The following USP35 variants were observed in gnomAD, a reference collection of about 807,000 sequenced individuals.
USP35 encodes the protein ubiquitin carboxyl-terminal hydrolase 35.
Under a neutral mutation model 83.8 loss-of-function variants are expected in USP35, and 69 were observed. The observed-to-expected ratio is 0.82, with a 90% confidence interval of 0.68 to 1.01. USP35 has a LOEUF of 1.01. USP35 is among the 50% of genes least tolerant of loss of function. The pLI is 0.00. For missense variants in USP35, 1,503 were observed against 1,362.5 expected (o/e 1.10, Z -1.62); for synonymous variants, 714 against 589.5 (o/e 1.21, Z -3.06).
chr11:78,209,685 C>G lies in USP35; in HGVS notation c.1830C>G (p.Arg610=). The G allele has an allele frequency of 6.2e-7, 1 of 1,613,950 alleles. No individual in the cohort carries two copies. Among genetic ancestry groups the G allele is most frequent in the Non-Finnish European group, 8.5e-7 (1 of 1,179,894 alleles). ...CTCCTGAGCGCTGTCGCCGCCGCCG[C>G]CTGGGCTCTGTGATGCGCCCCACAG... ...FPPPERCRRR[R]LGSVMRPTED... Residue 610 remains arginine, a synonymous_variant, in exon 10 of 11, where the codon CGC becomes CGG. Coordinates refer to ENST00000529308, the MANE Select transcript of USP35 (RefSeq NM_020798.4).
chr11:78,222,059 C>T, the USP35 span: 3 of 1,273,590 alleles, frequency 2.4e-6, no homozygotes, highest in Non-Finnish European at 3.5e-6. Context: ...CTCATTTTCC[C>T]TAATGGCCCG....
At position 78,200,668 on chromosome 11, in the gene USP35, C is replaced by G; in HGVS notation, c.1057C>G (p.Pro353Ala). 1 of 1,612,378 alleles carries G rather than the reference C, an allele frequency of 6.2e-7. No homozygotes were observed. The highest frequency in any genetic ancestry group is 1.3e-5 in the African/African-American group (1 of 74,996). Residue 353 changes from proline to alanine, a missense_variant, in exon 6 of 11, where the codon CCC becomes GCC. By Grantham distance (27) the Pro-to-Ala change is conservative. Coordinates refer to ENST00000529308, the MANE Select transcript of USP35 (RefSeq NM_020798.4). Reference protein sequence around the residue: ...AFHLLLPHIPPMVASLVKEDS... With the variant: ...AFHLLLPHIPAMVASLVKEDS... ...CCCACAGCTCCTCCCTCACATCCCC[C>G]CCATGGTGGCCTCTCTGGTCAAGGA...
At chr11:78,235,481 T>A in the USP35 span, among the ~76,000 whole-genome samples, 1 of 152,298 alleles carries the variant, frequency 6.6e-6, no homozygotes. Context: ...CATCGTCAGG[T>A]GGCAAATTTT....
chr11:78,212,668 T>C (rs370333889), intron 10 of USP35, among the ~76,000 whole-genome samples: 14 of 152,288 alleles, frequency 9.2e-5, no homozygotes, highest in South Asian at 6.2e-4. Flanking sequence ...GAATGGGAGT[T>C]TGTTCATGAT....
chr11:78,219,288 T>C (rs1864299321), downstream of USP35: 12 of 1,613,502 alleles, frequency 7.4e-6, no homozygotes, highest in East Asian at 1.1e-4. Context: ...CTTGGCACCC[T>C]TGGAAGGCTC....
At chr11:78,230,041 T>C in the USP35 span, among the ~76,000 whole-genome samples, 1 of 152,242 alleles carries the variant, frequency 6.6e-6, no homozygotes, top group Non-Finnish European at 1.5e-5. Context: ...GCCAACAGAC[T>C]GTGATTTCCT....
At chr11:78,206,609 A>C (rs559711714) in intron 7 of USP35, among the ~76,000 whole-genome samples, 1 of 152,358 alleles carries the variant, frequency 6.6e-6, no homozygotes, top group East Asian at 1.9e-4. Flanking sequence ...CGTTCTTCTC[A>C]AAACGCCTAG....
At chr11:78,197,684 C>T (rs1863194771) in intron 2 of USP35, among the ~76,000 whole-genome samples, 1 of 152,058 alleles carries the variant, frequency 6.6e-6, no homozygotes, top group Non-Finnish European at 1.5e-5. Context: ...AAAGGCCTTG[C>T]CCTGAAACCC....
rs535697834 is a variant in USP35, at chr11:78,214,239, TG to T, written c.*434del. 27 of 81,348 alleles carry T rather than the reference TG, an allele frequency of 3.3e-4. No homozygotes were observed. Among genetic ancestry groups the T allele is most frequent in the East Asian group, 2.6e-3 (4 of 1,516 alleles). The allele number at this position is 81,348 out of a possible 1,614,324, so 5.0% of individuals were successfully genotyped here. A position where few individuals can be genotyped will look rare whatever the true frequency, so the allele number is the denominator to read the frequency against. On this transcript the variant is annotated 3_prime_UTR_variant, in exon 11 of 11. Coordinates refer to ENST00000529308, the MANE Select transcript of USP35 (RefSeq NM_020798.4). ...AGGATCCAAGCCTTGCACAAAGGGG[TG>T]GGGGGGGCAGTGTCTCCTCTGGCTG...
intron 10 of USP35, among the ~76,000 whole-genome samples, chr11:78,212,236 G>T (rs1359564858): frequency 2.0e-5 from 3 of 152,202 alleles, no homozygotes; most frequent in African/African-American, 7.2e-5. Context: ...GTTTGTTGAA[G>T]ATGGTTGTAG....
At chr11:78,194,276 G>C (rs905559065) in intron 1 of USP35, among the ~76,000 whole-genome samples, 1 of 152,174 alleles carries the variant, frequency 6.6e-6, no homozygotes, top group Non-Finnish European at 1.5e-5. Context: ...CCTTTGTATC[G>C]TAACACGTGC....
intron 1 of USP35, among the ~76,000 whole-genome samples, chr11:78,192,347 G>A (rs1160834595): frequency 6.6e-6 from 1 of 152,214 alleles, no homozygotes; most frequent in Non-Finnish European, 1.5e-5. Context: ...CCTCCTGAGG[G>A]AGGCAGAGTG....
chr11:78,212,881 TTGAGTC>T (rs1332360628), intron 10 of USP35, among the ~76,000 whole-genome samples: 2 of 152,042 alleles, frequency 1.3e-5, no homozygotes, highest in Non-Finnish European at 2.9e-5. Flanking sequence ...CAGGGACCAG[TTGAGTC>T]TGAGGGGGAG....
At chr11:78,220,338 G>A in the USP35 span, 1 of 1,612,700 alleles carries the variant, frequency 6.2e-7, no homozygotes, top group Non-Finnish European at 8.5e-7. Context: ...GGGGCTTGGG[G>A]AGCTCGGCTG....
chr11:78,213,616 GTCT>G, intron 10 of USP35, 27 bp from the exon 11 acceptor site: 1 of 972,370 alleles, frequency 1.0e-6, no homozygotes, highest in South Asian at 3.1e-5. Context: ...TGAATTCTAA[GTCT>G]AAGTCTCCTC....
At position 78,214,078 on chromosome 11, in the gene USP35, C is replaced by CCTCCCCCTCCTTCCCTAGCAGG; in HGVS notation, c.*272_*293dup. ...CGAGATGGGCACACACGGGTCTTTG[C>CCTCCCCCTCCTTCCCTAGCAGG]CTCCCCCTCCTTCCCTAGCAGGCTC... is the stretch of plus-strand genomic sequence containing the variant. On this transcript the variant is annotated 3_prime_UTR_variant, in exon 11 of 11. Coordinates refer to ENST00000529308, the MANE Select transcript of USP35 (RefSeq NM_020798.4). 2.7e-6 allele frequency: 1 copy of CCTCCCCCTCCTTCCCTAGCAGG among 369,116 alleles called. No homozygotes were observed. The highest frequency in any genetic ancestry group is 4.8e-6 in the Non-Finnish European group (1 of 206,928). The allele number at this position is 369,116 out of a possible 1,614,324, so 22.9% of individuals were successfully genotyped here. A position where few individuals can be genotyped will look rare whatever the true frequency, so the allele number is the denominator to read the frequency against.
At chr11:78,226,657 T>C in the USP35 span, 2 of 1,614,062 alleles carry the variant, frequency 1.2e-6, no homozygotes, top group South Asian at 2.2e-5. Flanking sequence ...GCCACTGTCA[T>C]GGCATTGTGG....
chr11:78,205,741 T>G, intron 6 of USP35, 101 bp from the exon 7 acceptor site: 1 of 1,348,200 alleles, frequency 7.4e-7, no homozygotes, highest in Non-Finnish European at 1.0e-6. Flanking sequence ...TGGGAGGCCT[T>G]GGGGTTGGCT....
intron 1 of USP35, among the ~76,000 whole-genome samples, chr11:78,190,444 A>G (rs146071331): frequency 6.6e-6 from 1 of 152,316 alleles, no homozygotes; most frequent in Non-Finnish European, 1.5e-5. Context: ...AGGTTAGGCC[A>G]GTTTCTGGAA....
Sources: allele counts gnomAD v4.1 joint callset (sites outside exome capture counted in the v4.1 genomes callset), GRCh38; gene constraint gnomAD v4.1.1; transcripts MANE v1.5; gene names NCBI Gene and HGNC (gene_info 2026-07-23, HGNC 2026-07-21).